The following ADAMTS9 variants were observed in gnomAD, a reference collection of about 807,000 sequenced individuals.
ADAMTS9 encodes ADAM metallopeptidase with thrombospondin type 1 motif 9.
Under a neutral mutation model 257.1 loss-of-function variants are expected in ADAMTS9, and 107 were observed. That is an observed-to-expected ratio of 0.42 (90% CI 0.36 to 0.49). ADAMTS9 has a LOEUF of 0.49. Among genes scored for constraint, ADAMTS9 ranks in the 20% least tolerant of loss-of-function variants. The pLI is 0.03. For synonymous variants in ADAMTS9, 982 were observed against 880.9 expected (o/e 1.11, Z -2.03); for missense variants, 2,353 against 2,469.1 (o/e 0.95, Z 1.00).
intron 31 of ADAMTS9, among the ~76,000 whole-genome samples, chr3:64,547,392 A>C (rs2083215394): frequency 6.6e-6 from 1 of 151,668 alleles, no homozygotes; most frequent in Non-Finnish European, 1.5e-5. Context: ...TTTGAGTGTG[A>C]AATCCAAGCA....
chr3:64,604,337 C>T lies in ADAMTS9; in HGVS notation c.3475-6G>A, dbSNP rs749070330. ...CATGATGGTAATTCACAGTCCTAGA[C>T]GTGATGGGGGAAAAAAAAACAAAGT... On this transcript the variant is annotated splice_polypyrimidine_tract_variant and splice_region_variant and intron_variant, in intron 23 of 39. Coordinates refer to ENST00000498707, the MANE Select transcript of ADAMTS9 (RefSeq NM_182920.2). The T allele has an allele frequency of 2.0e-5, 32 of 1,569,162 alleles. No homozygotes were observed. Among genetic ancestry groups the T allele is most frequent in the African/African-American group, 5.5e-5 (4 of 72,574 alleles).
intron 16 of ADAMTS9, among the ~76,000 whole-genome samples, chr3:64,624,087 G>A (rs1700170469): frequency 6.6e-6 from 1 of 151,702 alleles, no homozygotes; most frequent in South Asian, 2.1e-4. Context: ...ATGGGGAGAT[G>A]TTGGTCAAAG....
In ADAMTS9 at chr3:64,658,683, G is replaced by T. The variant is rs1559815437; in HGVS notation, c.788C>A (p.Thr263Lys). ...ATTACCATAAGCAGAAAATGCCTCT[G>T]TTGCTAAGCCGCTGTTTAATGCTGC... is the stretch of plus-strand genomic sequence containing the variant. ...DVAALNSGLA[T>K]EAFSAYGNKT... The change falls in exon 4 of 40, where the codon ACA becomes AAA. Residue 263 changes from threonine to lysine, a missense_variant. Around this residue, in one of 3 missense-constraint regions of ADAMTS9, gnomAD observed 591 missense variants for 569.6 expected, o/e 1.04. Transcript: ENST00000498707. The T allele has an allele frequency of 6.2e-7, 1 of 1,614,032 alleles. No individual in the cohort carries two copies. The highest frequency in any genetic ancestry group is 2.2e-5 in the East Asian group (1 of 44,862).
intron 23 of ADAMTS9, among the ~76,000 whole-genome samples, chr3:64,606,020 T>C (rs559157015): frequency 6.6e-6 from 1 of 152,332 alleles, no homozygotes; most frequent in East Asian, 1.9e-4. Flanking sequence ...AGTTCAGGCA[T>C]GAATGTTAGT....
intron 10 of ADAMTS9, 50 bp downstream of exon 10, chr3:64,649,587 A>G: frequency 1.3e-6 from 2 of 1,537,538 alleles, no homozygotes; most frequent in Non-Finnish European, 1.8e-6. Context: ...ATGAATAAAA[A>G]GAAGTGCAGA....
At chr3:64,651,884 G>A (rs763548191) in intron 8 of ADAMTS9, among the ~76,000 whole-genome samples, 12 of 152,126 alleles carry the variant, frequency 7.9e-5, no homozygotes, top group Admixed American at 3.3e-4. Context: ...TCCAGGTTCC[G>A]CCTGTGAGAA....
At chr3:64,658,819 C>G (rs772304385) in intron 3 of ADAMTS9, 28 bp from the exon 4 acceptor site, 1 of 1,572,012 alleles carries the variant, frequency 6.4e-7, no homozygotes, top group Non-Finnish European at 8.6e-7. Flanking sequence ...GTATGCATTA[C>G]ATTTCAAGCC....
At chr3:64,591,372 G>A (rs1185042548) in intron 28 of ADAMTS9, among the ~76,000 whole-genome samples, 1 of 151,922 alleles carries the variant, frequency 6.6e-6, no homozygotes, top group Non-Finnish European at 1.5e-5. Flanking sequence ...CCCGGGAGGA[G>A]GAGGTTGCAG....
At chr3:64,672,367 T>C (rs932991360) in intron 3 of ADAMTS9, among the ~76,000 whole-genome samples, 5 of 152,230 alleles carry the variant, frequency 3.3e-5, no homozygotes, top group Non-Finnish European at 5.9e-5. Flanking sequence ...TCTGGCTGTC[T>C]TTGGATCCAG....
intron 22 of ADAMTS9, among the ~76,000 whole-genome samples, chr3:64,608,909 T>C (rs1299937046): frequency 6.6e-6 from 1 of 151,700 alleles, no homozygotes; most frequent in African/African-American, 2.4e-5. Flanking sequence ...AATAGCATAC[T>C]AAAAGGATAG....
intron 38 of ADAMTS9, among the ~76,000 whole-genome samples, chr3:64,527,408 G>C (rs539888658): frequency 8.5e-4 from 130 of 152,210 alleles, no homozygotes; most frequent in African/African-American, 3.1e-3. Context: ...CCTTTGACTG[G>C]AGTGTGCTAA....
chr3:64,648,610 G>T (rs1258637087), intron 10 of ADAMTS9, among the ~76,000 whole-genome samples: 9 of 152,052 alleles, frequency 5.9e-5, no homozygotes, highest in Non-Finnish European at 1.2e-4. Flanking sequence ...TAGTAGAAAA[G>T]TTGCACAAGT....
At chr3:64,532,213 A>T (rs1056414944) in intron 38 of ADAMTS9, among the ~76,000 whole-genome samples, 10 of 152,238 alleles carry the variant, frequency 6.6e-5, no homozygotes, top group Admixed American at 5.9e-4. Context: ...AATATCATTA[A>T]GTCAAGAATG....
At chr3:64,644,229 G>A (rs912644175) in intron 11 of ADAMTS9, among the ~76,000 whole-genome samples, 3 of 152,164 alleles carry the variant, frequency 2.0e-5, no homozygotes, top group Admixed American at 6.5e-5. Flanking sequence ...AACACACTAC[G>A]AAGTAGGTAC....
At chr3:64,534,562 T>G (rs903640321) in intron 37 of ADAMTS9, among the ~76,000 whole-genome samples, 1 of 152,188 alleles carries the variant, frequency 6.6e-6, no homozygotes, top group Non-Finnish European at 1.5e-5. Context: ...AATTAAGATT[T>G]CCAGGACTAA....
Position 64,602,134 on chromosome 3 carries a change from C to T in ADAMTS9, c.3827G>A (p.Ser1276Asn). 1 of 1,614,150 alleles carries T rather than the reference C, an allele frequency of 6.2e-7. No homozygotes were observed. The highest frequency in any genetic ancestry group is 8.5e-7 in the Non-Finnish European group (1 of 1,180,008). Residue 1276 changes from serine (S) to asparagine (N), a missense_variant, in exon 26 of 40, where the codon AGT (serine) becomes AAT (asparagine). This residue lies in a region of ADAMTS9 where 1,402 missense variants were observed against 1,441.4 expected (regional missense o/e 0.97). Transcript: ENST00000498707. ...VNYSDHVIDR[S>N]ECDQDYIPET... ...TGGGATATAATCCTGGTCACACTCA[C>T]TCCGATCGATCACGTGGTCACTGTA...
intron 8 of ADAMTS9, among the ~76,000 whole-genome samples, chr3:64,651,507 T>C (rs1233178836): frequency 6.6e-6 from 1 of 152,164 alleles, no homozygotes; most frequent in Non-Finnish European, 1.5e-5. Flanking sequence ...CCTAATAAGC[T>C]GTTAAAGGGC....
chr3:64,545,927 T>A (rs2083191713), intron 32 of ADAMTS9, among the ~76,000 whole-genome samples: 1 of 152,138 alleles, frequency 6.6e-6, no homozygotes, highest in Non-Finnish European at 1.5e-5. Context: ...GAGAGCTGCC[T>A]GGTCCAGAGC....
chr3:64,639,855 T>G (rs1160966057), intron 12 of ADAMTS9, among the ~76,000 whole-genome samples: 2 of 152,210 alleles, frequency 1.3e-5, no homozygotes, highest in Admixed American at 6.5e-5. Flanking sequence ...TATATGATAC[T>G]TATTTTATAT....
Sources: gnomAD v4.1 joint callset for allele counts (sites outside exome capture counted in the v4.1 genomes callset) on GRCh38, gnomAD v4.1.1 for gene constraint, gnomAD v4.1.1 regional missense constraint, MANE v1.5 for transcripts, NCBI Gene and HGNC (gene_info 2026-07-23, HGNC 2026-07-21) for gene names.